SMIM26: variants seen among roughly 807,000 people sequenced by gnomAD.
SMIM26 encodes small integral membrane protein 26.
A neutral mutation model predicts 2.5 loss-of-function variants in SMIM26; 2 were observed. That is an observed-to-expected ratio of 0.80 (90% confidence interval 0.33 to 2.53). The LOEUF is 2.53. Ranked by LOEUF, SMIM26 falls within the 30% of genes most tolerant of loss-of-function variation. The pLI is 0.11. For synonymous variants in SMIM26, 32 were observed against 17.8 expected, an observed-to-expected ratio of 1.80 and a Z score of -2.01; for missense variants, 77 against 46.1, an observed-to-expected ratio of 1.67 and a Z score of -1.94.
At chr20:18,569,129 G>A in intron 1 of SMIM26, 107 bp from the exon 2 acceptor site, 2 of 598,040 alleles carry the variant, frequency 3.3e-6, no homozygotes, top group Non-Finnish European at 3.0e-6. Context: ...GGGTTGGAGA[G>A]AGTGGATGTA....
chr20:18,569,609 G>C (rs527489878), downstream of SMIM26: 239 of 452,866 alleles, frequency 5.3e-4, 2 homozygotes, highest in African/African-American at 5.2e-3. Flanking sequence ...GAGTCTTGCT[G>C]TGTCACCCAG....
At chr20:18,568,874 C>T (rs755503700) in intron 1 of SMIM26, 5 of 165,550 alleles carry the variant, frequency 3.0e-5, no homozygotes, top group African/African-American at 4.8e-5. Context: ...TCTCCCAACT[C>T]AAGCAGTCCT....
rs1333923798 is a variant in SMIM26, at chr20:18,567,604, T to C, written c.118+8T>C. On this transcript the variant is annotated splice_region_variant and intron_variant, in intron 1 of 1. Transcript: ENST00000411646. ...CAATGGCGAAGTCGTCAGGTAGGGCTCTTCGGCGGGGCCTGCCCCGGAACA... is the reference window on the plus strand; with the variant it reads ...CAATGGCGAAGTCGTCAGGTAGGGCCCTTCGGCGGGGCCTGCCCCGGAACA... 1 of 703,010 alleles carries C rather than the reference T, an allele frequency of 1.4e-6. No individual in the cohort carries two copies. Among genetic ancestry groups the C allele is most frequent in the South Asian group, 1.5e-5 (1 of 67,598 alleles). 43.5% of individuals were successfully genotyped at this position (703,010 alleles called of 1,614,324 possible).
rs764089880 is a variant in SMIM26, at chr20:18,567,473, G to T, written c.-6G>T. On this transcript the variant is annotated 5_prime_UTR_variant, in exon 1 of 2. Coordinates refer to ENST00000411646, the MANE Select transcript of SMIM26 (RefSeq NM_001348957.2). ...TGCGAGAATCGAGGCACTCGCTGGC[G>T]TACCCATGTATCGAAATGAGTTCAC... 5.1e-5 allele frequency: 36 copies of T among 703,034 alleles called. No individual in the cohort carries two copies. Among genetic ancestry groups the T allele is most frequent in the Middle Eastern group, 2.3e-4 (1 of 4,370 alleles). 43.5% of individuals were successfully genotyped at this position (703,034 alleles called of 1,614,324 possible). A position where few individuals can be genotyped will look rare whatever the true frequency, so the allele number is the denominator to read the frequency against.
In SMIM26 at chr20:18,569,517, A is replaced by G. The variant is rs1379839254; in HGVS notation, c.*112A>G. 5 of 690,620 alleles carry G rather than the reference A, an allele frequency of 7.2e-6. No homozygotes were observed. The Admixed American group carries it at 1.1e-4, about 15-fold the overall frequency. 42.8% of individuals were successfully genotyped at this position (690,620 alleles called of 1,614,324 possible). ...TGTATGTATTTAAATTTGCTGTAAA[A>G]CATAATCACTAATAATATGCAATAA... On this transcript the variant is annotated 3_prime_UTR_variant, in exon 2 of 2. Coordinates refer to ENST00000411646, the MANE Select transcript of SMIM26 (RefSeq NM_001348957.2).
chr20:18,568,647 T>C (rs968438194), intron 1 of SMIM26: 1 of 151,850 alleles, frequency 6.6e-6, no homozygotes, highest in Non-Finnish European at 1.5e-5. Context: ...TCTCACCCTG[T>C]CGCCCAGGCT....
In SMIM26 at chr20:18,569,216, TTC is replaced by T; in HGVS notation, c.119-16_119-15del. 1.6e-6 allele frequency: 1 copy of T among 644,144 alleles called. No homozygotes were observed. 39.9% of individuals were successfully genotyped at this position (644,144 alleles called of 1,614,324 possible). On this transcript the variant is annotated intron_variant, in intron 1 of 1. Transcript: ENST00000411646. ...TAATTCAGGTGTTCTTTTTTTTTTT[TTC>T]TCTTAATGGTGATAAAGTAGACCAA...
At position 18,567,464 on chromosome 20, in the gene SMIM26, C is replaced by G. The variant is rs1470399520; in HGVS notation, c.-15C>G. 1.0e-5 allele frequency: 7 copies of G among 703,054 alleles called. No homozygotes were observed. The highest frequency in any genetic ancestry group is 1.3e-5 in the Non-Finnish European group (5 of 385,004). 43.6% of individuals were successfully genotyped at this position (703,054 alleles called of 1,614,324 possible). On this transcript the variant is annotated 5_prime_UTR_variant, in exon 1 of 2. Coordinates refer to ENST00000411646, the MANE Select transcript of SMIM26 (RefSeq NM_001348957.2). ...CCGTGGGCCTGCGAGAATCGAGGCA[C>G]TCGCTGGCGTACCCATGTATCGAAA... is the stretch of plus-strand genomic sequence containing the variant.
chr20:18,569,536 G>T lies in SMIM26; in HGVS notation c.*131G>T. The T allele has an allele frequency of 1.6e-5, 10 of 628,898 alleles. No homozygotes were observed. Among genetic ancestry groups the T allele is most frequent in the South Asian group, 3.5e-5 (2 of 57,526 alleles). The allele number at this position is 628,898 out of a possible 1,614,324, so 39.0% of individuals were successfully genotyped here. On this transcript the variant is annotated 3_prime_UTR_variant, in exon 2 of 2. Transcript: ENST00000411646. ...TGTAAAACATAATCACTAATAATATGCAATAAATATTTTCTTGAAGGAAAC... is the reference window on the plus strand; with the variant it reads ...TGTAAAACATAATCACTAATAATATTCAATAAATATTTTCTTGAAGGAAAC...
At chr20:18,568,005 G>A (rs747694562) in intron 1 of SMIM26, among the ~76,000 whole-genome samples, 1 of 152,138 alleles carries the variant, frequency 6.6e-6, no homozygotes, top group Non-Finnish European at 1.5e-5. Context: ...CAGTTACTAA[G>A]CGCAAAGGGA....
At chr20:18,567,725 C>T in intron 1 of SMIM26, 129 bp downstream of exon 1, 1 of 637,420 alleles carries the variant, frequency 1.6e-6, no homozygotes, top group Non-Finnish European at 2.8e-6. Context: ...GAAACGGGTG[C>T]TAACAGCCGT....
intron 1 of SMIM26, 27 bp downstream of exon 1, chr20:18,567,623 CG>C: frequency 4.3e-6 from 3 of 702,514 alleles, no homozygotes; most frequent in Admixed American, 2.0e-5. Flanking sequence ...GGGCCTGCCC[CG>C]GAACACACGG....
rs2060524297 is a variant in SMIM26, at chr20:18,569,327, A to G, written c.210A>G (p.Lys70=). The G allele has an allele frequency of 4.3e-6, 3 of 702,874 alleles. No homozygotes were observed. The highest frequency in any genetic ancestry group is 7.8e-6 in the Non-Finnish European group (3 of 385,012). The allele number at this position is 702,874 out of a possible 1,614,324, so 43.5% of individuals were successfully genotyped here. A position where few individuals can be genotyped will look rare whatever the true frequency, so the allele number is the denominator to read the frequency against. Residue 70 remains lysine, a synonymous_variant, in exon 2 of 2, where the codon AAA becomes AAG. Transcript: ENST00000411646. ...GFYVETVVTY[K]EDFVPNTEKI... Reference sequence around the variant, plus strand: ...ATGTGGAAACAGTTGTCACATATAAAGAAGATTTTGTTCCAAATACAGAAA... The same window carrying G: ...ATGTGGAAACAGTTGTCACATATAAGGAAGATTTTGTTCCAAATACAGAAA...
rs944728155 is a variant in SMIM26, at chr20:18,567,522, T to C, written c.44T>C (p.Val15Ala). ...ACGGCCTGGTACCGGCGGATGTCGG[T>C]GGTCTACGGGATCGGCACCTGGTCT... Reference protein sequence around the residue: ...EFTAWYRRMSVVYGIGTWSVL... With the variant: ...EFTAWYRRMSAVYGIGTWSVL... The change falls in exon 1 of 2, where the codon GTG becomes GCG. Residue 15 changes from valine (V) to alanine (A), a missense_variant. By Grantham distance (64) the Val-to-Ala change is moderately conservative (BLOSUM62 0). Coordinates refer to ENST00000411646, the MANE Select transcript of SMIM26 (RefSeq NM_001348957.2). 1.4e-6 allele frequency: 1 copy of C among 703,020 alleles called. No individual in the cohort carries two copies. Among genetic ancestry groups the C allele is most frequent in the Admixed American group, 2.0e-5 (1 of 50,020 alleles). 43.5% of individuals were successfully genotyped at this position (703,020 alleles called of 1,614,324 possible). A position where few individuals can be genotyped will look rare whatever the true frequency, so the allele number is the denominator to read the frequency against.
intron 1 of SMIM26, chr20:18,568,691 C>T (rs2060522366): frequency 6.6e-6 from 1 of 152,138 alleles, no homozygotes; most frequent in Non-Finnish European, 1.5e-5. Flanking sequence ...CTCACCACAA[C>T]CTGCGTCTCC....
intron 1 of SMIM26, chr20:18,568,923 ATGC>A: frequency 4.6e-6 from 1 of 217,468 alleles, no homozygotes; most frequent in Non-Finnish European, 9.2e-6. Context: ...TTATAGGCCC[ATGC>A]CACCACGCCC....
Position 18,569,493 on chromosome 20 carries a change from G to T in SMIM26, c.*88G>T, listed in dbSNP as rs1487769865. The T allele has an allele frequency of 1.5e-6, 1 of 687,844 alleles. No homozygotes were observed. The highest frequency in any genetic ancestry group is 2.0e-5 in the Admixed American group (1 of 48,974). 42.6% of individuals were successfully genotyped at this position (687,844 alleles called of 1,614,324 possible). A position where few individuals can be genotyped will look rare whatever the true frequency, so the allele number is the denominator to read the frequency against. ...TTCCCATTTTGGGTTTGTGAAAAGT[G>T]TATGTATTTAAATTTGCTGTAAAAC... On this transcript the variant is annotated 3_prime_UTR_variant, in exon 2 of 2. Transcript: ENST00000411646.
chr20:18,567,709 C>T, intron 1 of SMIM26, 113 bp downstream of exon 1: 1 of 657,020 alleles, frequency 1.5e-6, no homozygotes, highest in South Asian at 1.6e-5. Context: ...TTCTGCAAAA[C>T]TAATTGAAAC....
rs1373743099 is a variant in SMIM26, at chr20:18,567,544, G to A, written c.66G>A (p.Trp22Ter). Residue 22 changes from tryptophan (W) to a stop codon, truncating the protein, a stop_gained, in exon 1 of 2, where the codon TGG becomes TGA. Coordinates refer to ENST00000411646, the MANE Select transcript of SMIM26 (RefSeq NM_001348957.2). LOFTEE classifies it high-confidence loss of function. ...CGGTGGTCTACGGGATCGGCACCTG[G>A]TCTGTGTTGGGCTCACTGCTTTACT... ...RMSVVYGIGT[W>*]SVLGSLLYYS... The A allele has an allele frequency of 2.8e-6, 2 of 703,064 alleles. No homozygotes were observed. The highest frequency in any genetic ancestry group is 5.2e-6 in the Non-Finnish European group (2 of 385,006). The allele number at this position is 703,064 out of a possible 1,614,324, so 43.6% of individuals were successfully genotyped here.
Sources: gnomAD v4.1 joint callset for allele counts (sites outside exome capture counted in the v4.1 genomes callset) on GRCh38, gnomAD v4.1.1 for gene constraint, MANE v1.5 for transcripts, NCBI Gene and HGNC (gene_info 2026-07-23, HGNC 2026-07-21) for gene names.